Variants in NFIA observed in about 807,000 individuals in gnomAD.
NFIA encodes the protein nuclear factor 1 A-type.
In NFIA, 8 loss-of-function variants were observed where a neutral mutation model predicts 62.8. That is an observed-to-expected ratio of 0.13 (90% CI 0.07 to 0.23). The LOEUF (loss-of-function observed/expected upper bound fraction) is 0.23. Ranked by LOEUF, NFIA falls within the 10% of genes least tolerant of loss-of-function variation. The pLI is 1.00. For missense variants in NFIA, 410 were observed against 642.1 expected (o/e 0.64, Z 3.91); for synonymous variants, 235 against 238.1 (o/e 0.99, Z 0.12).
chr1:61,415,381 A>C (rs762260609), intron 9 of NFIA, among the ~76,000 whole-genome samples: 1 of 152,184 alleles, frequency 6.6e-6, no homozygotes, highest in Non-Finnish European at 1.5e-5. Flanking sequence ...GCATGGAAAA[A>C]ACACCATGAA....
At chr1:61,162,908 A>T (rs181788116) in intron 2 of NFIA, among the ~76,000 whole-genome samples, 1 of 152,042 alleles carries the variant, frequency 6.6e-6, no homozygotes, top group East Asian at 1.9e-4. Flanking sequence ...TTTATACCTT[A>T]AAGATCTTTT....
chr1:61,345,153 T>C (rs1662156954), intron 4 of NFIA, among the ~76,000 whole-genome samples: 1 of 152,220 alleles, frequency 6.6e-6, no homozygotes, highest in South Asian at 2.1e-4. Flanking sequence ...TTTCCAAAAG[T>C]TAACCTTTTG....
chr1:61,112,148 A>C (rs1162519801), intron 2 of NFIA, among the ~76,000 whole-genome samples: 1 of 151,128 alleles, frequency 6.6e-6, no homozygotes, highest in African/African-American at 2.4e-5. Context: ...AAAAAAAACT[A>C]TGCTCTAAAA....
At chr1:61,169,740 C>A (rs894097634) in intron 2 of NFIA, among the ~76,000 whole-genome samples, 6 of 151,992 alleles carry the variant, frequency 3.9e-5, no homozygotes, top group Admixed American at 3.3e-4. Flanking sequence ...TTTTTTCTCC[C>A]CAACTTGGTT....
At chr1:61,429,920 G>T (rs1667030678) in intron 10 of NFIA, among the ~76,000 whole-genome samples, 1 of 152,146 alleles carries the variant, frequency 6.6e-6, no homozygotes, top group African/African-American at 2.4e-5. Flanking sequence ...TTAGGGGCAG[G>T]GCAGAATGGT....
intron 3 of NFIA, among the ~76,000 whole-genome samples, chr1:61,302,563 G>GT (rs1335495315): frequency 6.6e-6 from 1 of 152,052 alleles, no homozygotes; most frequent in Non-Finnish European, 1.5e-5. Context: ...CCAACAGGAT[G>GT]TTTTATTTTT....
intron 2 of NFIA, among the ~76,000 whole-genome samples, chr1:61,118,818 G>C (rs1478079965): frequency 6.6e-6 from 1 of 151,976 alleles, no homozygotes; most frequent in Non-Finnish European, 1.5e-5. Flanking sequence ...AATAGGCAGT[G>C]GTGGTAAAGG....
At chr1:61,078,274 A>G (rs1646056373), upstream of NFIA, among the ~76,000 whole-genome samples, 1 of 152,226 alleles carries the variant, frequency 6.6e-6, no homozygotes, top group Admixed American at 6.5e-5. Flanking sequence ...AAAAAAAAAA[A>G]AGCTGATCGG....
At chr1:61,139,958 A>C (rs1647382601) in intron 2 of NFIA, among the ~76,000 whole-genome samples, 1 of 152,022 alleles carries the variant, frequency 6.6e-6, no homozygotes. Flanking sequence ...TCAGTGGAAG[A>C]ATAGCTCTTC....
chr1:61,356,250 A>C (rs985692160), intron 5 of NFIA, among the ~76,000 whole-genome samples: 27 of 152,212 alleles, frequency 1.8e-4, no homozygotes, highest in African/African-American at 6.5e-4. Flanking sequence ...TTCCCTGAAG[A>C]TCTTACAGCC....
intron 3 of NFIA, among the ~76,000 whole-genome samples, chr1:61,330,327 T>A (rs1031711070): frequency 1.3e-5 from 2 of 152,154 alleles, no homozygotes; most frequent in African/African-American, 4.8e-5. Flanking sequence ...TCTCAGGCAT[T>A]AAGTATACAG....
intron 2 of NFIA, among the ~76,000 whole-genome samples, chr1:61,157,748 A>G (rs1648915905): frequency 6.6e-6 from 1 of 152,188 alleles, no homozygotes; most frequent in Admixed American, 6.5e-5. Context: ...CCTTCAGACC[A>G]ACCACATAGC....
chr1:61,141,766 A>C (rs1647553178), intron 2 of NFIA, among the ~76,000 whole-genome samples: 1 of 152,220 alleles, frequency 6.6e-6, no homozygotes, highest in African/African-American at 2.4e-5. Flanking sequence ...CACAGCGATC[A>C]TGCTCAGGAG....
At chr1:61,163,427 A>G (rs1557607713) in intron 2 of NFIA, among the ~76,000 whole-genome samples, 2 of 152,042 alleles carry the variant, frequency 1.3e-5, no homozygotes, top group Admixed American at 1.3e-4. Context: ...TAATATACCT[A>G]CCTAATTGGT....
intron 6 of NFIA, among the ~76,000 whole-genome samples, chr1:61,375,911 A>G (rs1664129714): frequency 6.6e-6 from 1 of 152,002 alleles, no homozygotes; most frequent in Non-Finnish European, 1.5e-5. Context: ...GATTTTATAA[A>G]CCATGCTATC....
chr1:61,081,831 T>G, upstream of NFIA: 1 of 1,502,398 alleles, frequency 6.7e-7, no homozygotes, highest in Non-Finnish European at 8.9e-7. Flanking sequence ...CCGACGAATC[T>G]ATTCCCACAG....
chr1:61,221,944 A>C (rs1273036538), intron 2 of NFIA, among the ~76,000 whole-genome samples: 2 of 152,184 alleles, frequency 1.3e-5, no homozygotes, highest in African/African-American at 4.8e-5. Context: ...AGATTTGGGC[A>C]AAATGAACAG....
intron 2 of NFIA, among the ~76,000 whole-genome samples, chr1:61,264,853 A>G (rs1657059264): frequency 6.6e-6 from 1 of 152,152 alleles, no homozygotes; most frequent in Non-Finnish European, 1.5e-5. Context: ...AAGAATGTAG[A>G]TAGTGTACTT....
intron 10 of NFIA, among the ~76,000 whole-genome samples, chr1:61,450,340 A>G (rs1316893391): frequency 2.0e-5 from 3 of 152,222 alleles, no homozygotes. Flanking sequence ...AGAAGAGACT[A>G]CTGGGCTTTT....
Sources: gnomAD v4.1 joint callset for allele counts (sites outside exome capture counted in the v4.1 genomes callset) on GRCh38, gnomAD v4.1.1 for gene constraint, MANE v1.5 for transcripts, NCBI Gene and HGNC (gene_info 2026-07-23, HGNC 2026-07-21) for gene names.